Variants in PDE7A observed in about 807,000 individuals in gnomAD.
PDE7A encodes phosphodiesterase 7A, also known as high affinity 3',5'-cyclic-AMP phosphodiesterase 7A.
PDE7A carries 39 observed loss-of-function variants against 64.3 expected under a neutral mutation model. The observed-to-expected ratio is 0.61, with a 90% CI of 0.47 to 0.79. PDE7A has a LOEUF of 0.79. PDE7A is among the 30% of genes least tolerant of loss of function. PDE7A has a pLI of 0.00. For synonymous variants in PDE7A, 203 were observed against 206.8 expected (o/e 0.98, Z 0.16); for missense variants, 470 against 582.8 (o/e 0.81, Z 1.99).
chr8:65,733,147 TG>T (rs1806972308), intron 7 of PDE7A, among the ~76,000 whole-genome samples: 1 of 152,164 alleles, frequency 6.6e-6, no homozygotes, highest in African/African-American at 2.4e-5. Flanking sequence ...GGATGAAAAG[TG>T]TTTAAGTATT....
chr8:65,724,245 T>C lies in PDE7A; in HGVS notation c.1162+10A>G, dbSNP rs763103921. 3 of 1,564,100 alleles carry C rather than the reference T, an allele frequency of 1.9e-6. No individual in the cohort carries two copies. Among genetic ancestry groups the C allele is most frequent in the African/African-American group, 1.4e-5 (1 of 73,984 alleles). On this transcript the variant is annotated intron_variant, in intron 11 of 12. Coordinates refer to ENST00000401827, the MANE Select transcript of PDE7A (RefSeq NM_001242318.3). Reference sequence around the variant, plus strand: ...GGATAGATTAATTATCACTCAATACTGTAACTTGCCTTGATGGAAGAATTC... The same window carrying C: ...GGATAGATTAATTATCACTCAATACCGTAACTTGCCTTGATGGAAGAATTC...
Position 65,724,801 on chromosome 8 carries a change from G to A in PDE7A, c.1041C>T (p.Thr347=), listed in dbSNP as rs1273521262. 3.7e-6 allele frequency: 6 copies of A among 1,608,118 alleles called. No individual in the cohort carries two copies. In the South Asian group the frequency reaches 5.5e-5, roughly 15 times the overall value. ...CCTGTAAAACCAAATGTCTGTGTCTGGTGTCTTCTAGGCATAAATCACCTC... is the reference window on the plus strand; with the variant it reads ...CCTGTAAAACCAAATGTCTGTGTCTAGTGTCTTCTAGGCATAAATCACCTC... The part of the protein sequence containing the change: ...LDRGDLCLED[T]RHRHLVLQMA... Residue 347 remains threonine (T), a synonymous_variant, in exon 10 of 13, where the codon ACC becomes ACT. Coordinates refer to ENST00000401827, the MANE Select transcript of PDE7A (RefSeq NM_001242318.3).
At chr8:65,760,880 G>A (rs1427884269) in intron 3 of PDE7A, among the ~76,000 whole-genome samples, 2 of 152,130 alleles carry the variant, frequency 1.3e-5, no homozygotes, top group South Asian at 2.1e-4. Flanking sequence ...CCACTACAGA[G>A]AGGAAAGGAT....
chr8:65,841,971 C>CCGA lies in PDE7A; in HGVS notation c.-464_-463insTCG, dbSNP rs1315534134. 4.8e-6 allele frequency: 1 copy of CCGA among 209,952 alleles called. No homozygotes were observed. The highest frequency in any genetic ancestry group is 6.7e-5 in the Admixed American group (1 of 14,866). The allele number at this position is 209,952 out of a possible 1,614,324, so 13.0% of individuals were successfully genotyped here. The stretch of plus-strand genomic sequence containing the variant: ...GAGCAGCGACCAGCTCGGGCCGCCG[C>CCGA]CGCCGCCGCCGCCGCCGCCGCCGGA... On this transcript the variant is annotated 5_prime_UTR_variant, in exon 1 of 13. Coordinates refer to ENST00000401827, the MANE Select transcript of PDE7A (RefSeq NM_001242318.3).
At chr8:65,771,478 G>A (rs886601076) in intron 3 of PDE7A, among the ~76,000 whole-genome samples, 3 of 152,132 alleles carry the variant, frequency 2.0e-5, no homozygotes, top group African/African-American at 7.2e-5. Flanking sequence ...TCTTTAACCT[G>A]TTGATATCGA....
At chr8:65,749,637 C>T (rs1254965605) in intron 3 of PDE7A, among the ~76,000 whole-genome samples, 2 of 152,212 alleles carry the variant, frequency 1.3e-5, no homozygotes, top group Non-Finnish European at 2.9e-5. Context: ...AAAAGAATCT[C>T]ATTTAGCCAT....
At chr8:65,769,802 A>C (rs928088701) in intron 3 of PDE7A, among the ~76,000 whole-genome samples, 14 of 152,186 alleles carry the variant, frequency 9.2e-5, no homozygotes, top group African/African-American at 3.4e-4. Context: ...AGGTTGAGGC[A>C]GGAGAATTGC....
intron 1 of PDE7A, among the ~76,000 whole-genome samples, chr8:65,824,173 G>A (rs911537841): frequency 6.6e-6 from 1 of 152,106 alleles, no homozygotes; most frequent in Non-Finnish European, 1.5e-5. Flanking sequence ...GTCACATTTT[G>A]ATAACTGTCA....
intron 3 of PDE7A, among the ~76,000 whole-genome samples, chr8:65,776,689 T>G (rs554333006): frequency 6.6e-6 from 1 of 152,340 alleles, no homozygotes; most frequent in East Asian, 1.9e-4. Context: ...TTATGTTAAT[T>G]TTGTCACTGT....
At position 65,719,173 on chromosome 8, in the gene PDE7A, G is replaced by C. The variant is rs1184837433; in HGVS notation, c.*117C>G. 4 of 685,916 alleles carry C rather than the reference G, an allele frequency of 5.8e-6. No individual in the cohort carries two copies. Among genetic ancestry groups the C allele is most frequent in the South Asian group, 5.1e-5 (3 of 58,378 alleles). The allele number at this position is 685,916 out of a possible 1,614,324, so 42.5% of individuals were successfully genotyped here. ...GAAATCTTGGAAATAAATAATGCTG[G>C]CTGGCATCACTCACTTGGAAACCTT... On this transcript the variant is annotated 3_prime_UTR_variant, in exon 13 of 13. Coordinates refer to ENST00000401827, the MANE Select transcript of PDE7A (RefSeq NM_001242318.3).
chr8:65,772,731 C>T (rs113276850), intron 3 of PDE7A, among the ~76,000 whole-genome samples: 3,592 of 152,216 alleles, frequency 0.024, 65 homozygotes, highest in African/African-American at 0.055. Context: ...TGGCCAGGTG[C>T]GGTGGTTCAT....
At position 65,770,606 on chromosome 8, in the gene PDE7A, A is replaced by G. The variant is rs377561095; in HGVS notation, c.283+9114T>C. Reference sequence around the variant, plus strand: ...AACCATATCAACCTCTAAACACTTCAGTGAATAACACCATAACTTAATACA... The same window carrying G: ...AACCATATCAACCTCTAAACACTTCGGTGAATAACACCATAACTTAATACA... On this transcript the variant is annotated intron_variant, in intron 3 of 12. Coordinates refer to ENST00000401827, the MANE Select transcript of PDE7A (RefSeq NM_001242318.3). 9.5e-4 allele frequency among the ~76,000 whole-genome samples: 145 copies of G among 152,342 alleles called. 4 individuals carry two copies. In the South Asian group the frequency reaches 0.029, roughly 31 times the overall value.
At chr8:65,836,803 C>T (rs1204160232) in intron 1 of PDE7A, among the ~76,000 whole-genome samples, 7 of 152,158 alleles carry the variant, frequency 4.6e-5, no homozygotes, top group Admixed American at 1.3e-4. Context: ...GCCCACTAGC[C>T]ACATAAGGCT....
At chr8:65,756,259 G>A (rs1808236151) in intron 3 of PDE7A, among the ~76,000 whole-genome samples, 1 of 152,134 alleles carries the variant, frequency 6.6e-6, no homozygotes, top group African/African-American at 2.4e-5. Flanking sequence ...AGTTTGTCCT[G>A]ATTGGAATTT....
chr8:65,815,017 G>A (rs1810362103), intron 1 of PDE7A, among the ~76,000 whole-genome samples: 1 of 151,740 alleles, frequency 6.6e-6, no homozygotes, highest in Non-Finnish European at 1.5e-5. Flanking sequence ...GGAGGCAGAG[G>A]TTGCAGTGAG....
chr8:65,743,983 C>T (rs966843212), intron 5 of PDE7A, among the ~76,000 whole-genome samples: 1 of 152,124 alleles, frequency 6.6e-6, no homozygotes. Flanking sequence ...GAGACATGAA[C>T]CACCACACCC....
At chr8:65,813,542 T>C (rs138410891) in intron 1 of PDE7A, among the ~76,000 whole-genome samples, 1 of 152,232 alleles carries the variant, frequency 6.6e-6, no homozygotes, top group Non-Finnish European at 1.5e-5. Flanking sequence ...TTTTCAAATT[T>C]TGACTTGAAA....
At chr8:65,812,223 A>T (rs1319669122) in intron 1 of PDE7A, among the ~76,000 whole-genome samples, 1 of 152,136 alleles carries the variant, frequency 6.6e-6, no homozygotes, top group African/African-American at 2.4e-5. Flanking sequence ...AAAAAAAAAA[A>T]AAAAAGTCCA....
chr8:65,722,063 T>G (rs1385530144), intron 12 of PDE7A: 5 of 152,272 alleles, frequency 3.3e-5, no homozygotes, highest in Non-Finnish European at 7.3e-5. Flanking sequence ...AGTGCTGGGT[T>G]ACAAGTATGA....
Sources: allele counts gnomAD v4.1 joint callset (sites outside exome capture counted in the v4.1 genomes callset), GRCh38; gene constraint gnomAD v4.1.1; transcripts MANE v1.5; gene names NCBI Gene and HGNC (gene_info 2026-07-23, HGNC 2026-07-21).